The following NAALADL2 variants were observed in gnomAD, a reference collection of about 807,000 sequenced individuals.
The protein encoded by NAALADL2 is N-acetylated alpha-linked acidic dipeptidase like 2.
In NAALADL2, 76 loss-of-function variants were observed where a neutral mutation model predicts 87.2. The observed-to-expected ratio is 0.87, with a 90% CI of 0.72 to 1.05. NAALADL2 has a LOEUF of 1.05. Ranked by LOEUF, NAALADL2 falls within the 50% of genes least tolerant of loss-of-function variation. NAALADL2 has a pLI of 0.00. For synonymous variants in NAALADL2, 354 were observed against 331.0 expected (o/e 1.07, Z -0.75); for missense variants, 1,089 against 945.8 (o/e 1.15, Z -1.99).
At chr3:174,739,305 A>G (rs1271211343) in intron 3 of NAALADL2, among the ~76,000 whole-genome samples, 3 of 152,082 alleles carry the variant, frequency 2.0e-5, no homozygotes, top group African/African-American at 7.2e-5. Flanking sequence ...AAGTTGGCCA[A>G]GACAGTATAC....
intron 6 of NAALADL2, among the ~76,000 whole-genome samples, chr3:175,460,962 T>A (rs990483853): frequency 1.1e-4 from 17 of 152,186 alleles, no homozygotes; most frequent in Admixed American, 1.3e-4. Context: ...CCCTTATCTG[T>A]CCCCACCCAC....
chr3:174,668,603 G>C (rs1726207266), intron 2 of NAALADL2, among the ~76,000 whole-genome samples: 1 of 151,998 alleles, frequency 6.6e-6, no homozygotes, highest in Non-Finnish European at 1.5e-5. Flanking sequence ...CCCGGTGTGT[G>C]ATGTTTCCCT....
At chr3:175,416,588 G>C (rs763749363) in intron 5 of NAALADL2, among the ~76,000 whole-genome samples, 3 of 152,086 alleles carry the variant, frequency 2.0e-5, no homozygotes, top group Non-Finnish European at 4.4e-5. Flanking sequence ...TAGAAAAAAG[G>C]CCTTTTTTAC....
At position 174,744,246 on chromosome 3, in the gene NAALADL2, A is replaced by G. The variant is rs147558439; in HGVS notation, c.-9+6500A>G. On this transcript the variant is annotated intron_variant, in intron 3 of 3. Coordinates refer to the NAALADL2 transcript ENST00000434257. ...AGCCTGGATTATCCAGGCGGGCCCA[A>G]TGTAATTATAGGGTCCTTTAAAGAG... 9.9e-5 allele frequency among the ~76,000 whole-genome samples: 15 copies of G among 152,008 alleles called. No individual in the cohort carries two copies. The East Asian group carries it at 2.1e-3, about 22-fold the overall frequency.
rs560226161 is a variant in NAALADL2, at chr3:175,355,434, T to G, written c.1090+31109T>G. Among the ~76,000 whole-genome samples the G allele has an allele frequency of 3.3e-5, 5 of 152,212 alleles. No homozygotes were observed. In the South Asian group the frequency reaches 8.3e-4, roughly 25 times the overall value. ...TTCAAGCAATCAACCAGCAAGTGCATGAGACCTGATATTGTAGGCACTGTG... is the reference window on the plus strand; with the variant it reads ...TTCAAGCAATCAACCAGCAAGTGCAGGAGACCTGATATTGTAGGCACTGTG... On this transcript the variant is annotated intron_variant, in intron 5 of 13. Transcript: ENST00000454872.
chr3:175,078,257 T>A (rs1717020278), intron 1 of NAALADL2, among the ~76,000 whole-genome samples: 1 of 152,112 alleles, frequency 6.6e-6, no homozygotes, highest in Non-Finnish European at 1.5e-5. Flanking sequence ...ACTCCCGACC[T>A]CAAGTGATCT....
intron 2 of NAALADL2, among the ~76,000 whole-genome samples, chr3:174,626,203 G>T (rs949669088): frequency 2.6e-5 from 4 of 151,510 alleles, no homozygotes; most frequent in Admixed American, 6.6e-5. Flanking sequence ...GAGATTTCGG[G>T]TCAAAGGGTA....
intron 2 of NAALADL2, among the ~76,000 whole-genome samples, chr3:175,168,133 A>G (rs1280110055): frequency 2.6e-5 from 4 of 151,280 alleles, no homozygotes; most frequent in Non-Finnish European, 4.4e-5. Context: ...GTCAGTTGTG[A>G]TGAGAAACCA....
intron 9 of NAALADL2, among the ~76,000 whole-genome samples, chr3:175,505,278 A>G (rs945569132): frequency 1.3e-5 from 2 of 151,992 alleles, no homozygotes; most frequent in Non-Finnish European, 2.9e-5. Context: ...AAAAAAAAAA[A>G]AAAGAGTCTG....
At chr3:174,468,305 A>T (rs1299525597) in intron 1 of NAALADL2, among the ~76,000 whole-genome samples, 1 of 151,942 alleles carries the variant, frequency 6.6e-6, no homozygotes, top group African/African-American at 2.4e-5. Flanking sequence ...AAGAGAGTTC[A>T]TGTTCCTACT....
chr3:175,730,443 T>TATATATATATATAC (rs1387585623), intron 11 of NAALADL2, among the ~76,000 whole-genome samples: 1 of 64,484 alleles, frequency 1.6e-5, no homozygotes. Flanking sequence ...TATATATATA[T>TATATATATATATAC]ACACACATAC....
intron 1 of NAALADL2, among the ~76,000 whole-genome samples, chr3:175,001,234 C>CT (rs1748184487): frequency 6.6e-6 from 1 of 152,204 alleles, no homozygotes; most frequent in African/African-American, 2.4e-5. Context: ...GATTCAGACT[C>CT]TGATTCAGTA....
chr3:175,463,955 G>T (rs77715086), intron 7 of NAALADL2, among the ~76,000 whole-genome samples: 3,954 of 151,972 alleles, frequency 0.026, 176 homozygotes, highest in African/African-American at 0.09. Context: ...TCATCCTCTT[G>T]AGTAGCTGAG....
rs1385547213 is a variant in NAALADL2, at chr3:175,680,446, C to T, written c.1896+53060C>T. Among the ~76,000 whole-genome samples, 3 of 152,116 alleles carry T rather than the reference C, an allele frequency of 2.0e-5. No homozygotes were observed. In the East Asian group the frequency reaches 5.8e-4, roughly 29 times the overall value. Reference sequence around the variant, plus strand: ...GGGTATATACACATTGAAAGTCAAACAAGTAAATGATAATAGAGATTTAGA... The same window carrying T: ...GGGTATATACACATTGAAAGTCAAATAAGTAAATGATAATAGAGATTTAGA... On this transcript the variant is annotated intron_variant, in intron 11 of 13. Coordinates refer to ENST00000454872, the MANE Select transcript of NAALADL2 (RefSeq NM_207015.3).
intron 1 of NAALADL2, among the ~76,000 whole-genome samples, chr3:174,998,594 T>G (rs9827192): frequency 0.35 from 52,463 of 152,038 alleles, 13,182 homozygotes; most frequent in African/African-American, 0.71. Context: ...AATGTTCAAA[T>G]CCATGTAACC....
At chr3:174,871,336 T>G (rs1727794508) in intron 1 of NAALADL2, among the ~76,000 whole-genome samples, 1 of 152,206 alleles carries the variant, frequency 6.6e-6, no homozygotes, top group African/African-American at 2.4e-5. Context: ...AGGCTTAGCC[T>G]TAGGGTATGA....
chr3:174,746,630 C>A (rs1162061781), intron 3 of NAALADL2, among the ~76,000 whole-genome samples: 1 of 151,868 alleles, frequency 6.6e-6, no homozygotes, highest in African/African-American at 2.4e-5. Context: ...CTAAGACAAT[C>A]CTAAGAAAAA....
intron 3 of NAALADL2, among the ~76,000 whole-genome samples, chr3:174,771,474 C>T (rs1237022493): frequency 1.3e-5 from 2 of 152,126 alleles, no homozygotes; most frequent in African/African-American, 2.4e-5. Context: ...TGCTGAGGTA[C>T]AAAGGCATAC....
chr3:175,119,581 A>G (rs978576423), intron 2 of NAALADL2, among the ~76,000 whole-genome samples: 1 of 150,706 alleles, frequency 6.6e-6, no homozygotes, highest in Non-Finnish European at 1.5e-5. Flanking sequence ...AGGAAGAGAA[A>G]GAAATATAAT....
Sources: allele counts gnomAD v4.1 joint callset (sites outside exome capture counted in the v4.1 genomes callset), GRCh38; gene constraint gnomAD v4.1.1; transcripts MANE v1.5; gene names NCBI Gene and HGNC (gene_info 2026-07-23, HGNC 2026-07-21).